Variants in CNTN4 observed in about 807,000 individuals in gnomAD.
CNTN4 encodes contactin 4, also known as contactin-4.
A neutral mutation model predicts 122.5 loss-of-function variants in CNTN4; 77 were observed. The observed-to-expected ratio is 0.63, with a 90% CI of 0.52 to 0.76. The LOEUF is 0.76. Ranked by LOEUF, CNTN4 falls within the 30% of genes least tolerant of loss-of-function variation. The pLI is 0.00. For missense variants in CNTN4, 1,256 were observed against 1,259.1 expected, an observed-to-expected ratio of 1.00 and a Z score of 0.04; for synonymous variants, 512 against 447.0, an observed-to-expected ratio of 1.15 and a Z score of -1.83.
chr3:2,657,678 A>G (rs1269942130), intron 4 of CNTN4, among the ~76,000 whole-genome samples: 2 of 151,938 alleles, frequency 1.3e-5, no homozygotes, highest in Non-Finnish European at 2.9e-5. Flanking sequence ...CATGCATCGG[A>G]TGTGTATGTT....
intron 3 of CNTN4, among the ~76,000 whole-genome samples, chr3:2,501,239 T>C (rs955762220): frequency 3.9e-5 from 6 of 152,182 alleles, no homozygotes; most frequent in African/African-American, 1.2e-4. Flanking sequence ...TTGTCTAGTT[T>C]TTGTGTTAAC....
At chr3:2,507,946 G>C (rs951122567) in intron 3 of CNTN4, among the ~76,000 whole-genome samples, 2 of 151,920 alleles carry the variant, frequency 1.3e-5, no homozygotes, top group African/African-American at 4.8e-5. Flanking sequence ...AGCAGTTAGT[G>C]GTAGATGAAT....
intron 3 of CNTN4, among the ~76,000 whole-genome samples, chr3:2,525,786 TG>T (rs1258548502): frequency 6.6e-6 from 1 of 152,168 alleles, no homozygotes; most frequent in Non-Finnish European, 1.5e-5. Flanking sequence ...GCAGATAAAC[TG>T]AGTACTGAAG....
intron 2 of CNTN4, among the ~76,000 whole-genome samples, chr3:2,292,335 A>G (rs1281298432): frequency 6.6e-6 from 1 of 152,218 alleles, no homozygotes; most frequent in Non-Finnish European, 1.5e-5. Flanking sequence ...GATTTATTGA[A>G]ACACAGTACC....
intron 7 of CNTN4, among the ~76,000 whole-genome samples, chr3:2,834,673 AGATAT>A (rs1373697361): frequency 6.6e-6 from 1 of 152,112 alleles, no homozygotes; most frequent in Non-Finnish European, 1.5e-5. Flanking sequence ...GAAATATGAC[AGATAT>A]GAGTGTGTGT....
Position 2,862,816 on chromosome 3 carries a change from A to C in CNTN4, c.455-3936A>C, listed in dbSNP as rs533970825. ...ATGTTGATAGTGCTTCATGTAACCC[A>C]ATGGATTAATGTTTTGCTCTGATAA... On this transcript the variant is annotated intron_variant, in intron 7 of 24. Coordinates refer to ENST00000418658, the MANE Select transcript of CNTN4 (RefSeq NM_175607.3). 1.1e-4 allele frequency among the ~76,000 whole-genome samples: 17 copies of C among 152,308 alleles called. No homozygotes were observed. In the South Asian group the frequency reaches 3.3e-3, roughly 30 times the overall value.
At chr3:2,145,926 A>G (rs1036337152) in intron 2 of CNTN4, among the ~76,000 whole-genome samples, 1 of 146,590 alleles carries the variant, frequency 6.8e-6, no homozygotes, top group Non-Finnish European at 1.5e-5. Context: ...TGCTGTAATT[A>G]CTACACTGGA....
intron 13 of CNTN4, among the ~76,000 whole-genome samples, chr3:2,980,923 A>G (rs1693900338): frequency 6.6e-6 from 1 of 152,098 alleles, no homozygotes; most frequent in Non-Finnish European, 1.5e-5. Flanking sequence ...TTGCCTGGCC[A>G]GCACCACCCT....
chr3:2,309,279 CT>C (rs1022031324), intron 2 of CNTN4, among the ~76,000 whole-genome samples: 1 of 151,960 alleles, frequency 6.6e-6, no homozygotes, highest in Non-Finnish European at 1.5e-5. Context: ...TGTTCCAGCT[CT>C]TTTTTTGGTT....
At position 2,651,029 on chromosome 3, in the gene CNTN4, A is replaced by G. The variant is rs575594871; in HGVS notation, c.55+79471A>G. On this transcript the variant is annotated intron_variant, in intron 4 of 24. Transcript: ENST00000418658. ...TTATAAAGGTTATAGACTCTTTACT[A>G]TGGAACGCAAGGATATTAACATCTT... Among the ~76,000 whole-genome samples the G allele has an allele frequency of 1.3e-4, 20 of 152,324 alleles. No individual in the cohort carries two copies. The South Asian group carries it at 4.1e-3, about 32-fold the overall frequency.
At chr3:2,491,753 A>G (rs1456922258) in intron 3 of CNTN4, among the ~76,000 whole-genome samples, 1 of 152,210 alleles carries the variant, frequency 6.6e-6, no homozygotes, top group Non-Finnish European at 1.5e-5. Context: ...GCCCTTAAAG[A>G]CATATATAGT....
chr3:2,968,574 G>C (rs367593079), intron 13 of CNTN4, among the ~76,000 whole-genome samples: 6 of 152,244 alleles, frequency 3.9e-5, no homozygotes, highest in African/African-American at 7.2e-5. Flanking sequence ...TTGTAAGTCA[G>C]AAAAAACTTT....
intron 2 of CNTN4, among the ~76,000 whole-genome samples, chr3:2,154,249 G>A (rs1308659307): frequency 6.6e-6 from 1 of 151,994 alleles, no homozygotes; most frequent in African/African-American, 2.4e-5. Flanking sequence ...ACCGGATGTG[G>A]TGGTGGGCGC....
At chr3:2,506,345 G>A (rs186526818) in intron 3 of CNTN4, among the ~76,000 whole-genome samples, 159 of 152,294 alleles carry the variant, frequency 1.0e-3, no homozygotes, top group African/African-American at 3.5e-3. Flanking sequence ...GGAGCACCAC[G>A]TTAGTGAAAA....
At chr3:2,806,905 C>T (rs1290839481) in intron 6 of CNTN4, among the ~76,000 whole-genome samples, 1 of 152,068 alleles carries the variant, frequency 6.6e-6, no homozygotes, top group African/African-American at 2.4e-5. Context: ...TATATTACTT[C>T]TTCTTTTCAA....
chr3:2,450,206 A>G (rs993534908), intron 3 of CNTN4, among the ~76,000 whole-genome samples: 1 of 152,078 alleles, frequency 6.6e-6, no homozygotes, highest in African/African-American at 2.4e-5. Flanking sequence ...ATCTCTACAA[A>G]AAATACAGAA....
chr3:2,109,409 G>T (rs1193880962), intron 2 of CNTN4, among the ~76,000 whole-genome samples: 1 of 152,036 alleles, frequency 6.6e-6, no homozygotes, highest in Non-Finnish European at 1.5e-5. Context: ...ATGATTTGTT[G>T]TTGTTGTTGT....
intron 2 of CNTN4, among the ~76,000 whole-genome samples, chr3:2,154,130 A>T (rs942858756): frequency 2.0e-5 from 3 of 152,130 alleles, no homozygotes; most frequent in Admixed American, 2.0e-4. Context: ...GACGCCTGTA[A>T]TCCCAGCAAT....
rs147644609 is a variant in CNTN4 at position 2,207,581 on chromosome 3, C to G, written c.-145+106942C>G. ...TAATCCAGAGCCAGGAACGAAGTGTCTAAAATTATGTGAAGATAGAGAGGT... is the reference window on the plus strand; with the variant it reads ...TAATCCAGAGCCAGGAACGAAGTGTGTAAAATTATGTGAAGATAGAGAGGT... On this transcript the variant is annotated intron_variant, in intron 2 of 24. Coordinates refer to ENST00000418658, the MANE Select transcript of CNTN4 (RefSeq NM_175607.3). 2.8e-3 allele frequency among the ~76,000 whole-genome samples: 419 copies of G among 152,110 alleles called. 1 individual carries two copies. Among genetic ancestry groups the G allele is most frequent in the Middle Eastern group, 0.02 (6 of 294 alleles).
Sources: allele counts gnomAD v4.1 joint callset (sites outside exome capture counted in the v4.1 genomes callset), GRCh38; gene constraint gnomAD v4.1.1; transcripts MANE v1.5; gene names NCBI Gene and HGNC (gene_info 2026-07-23, HGNC 2026-07-21).